Variants in QNG1 observed in about 807,000 individuals in gnomAD.
The protein encoded by QNG1 is queuosine 5'-phosphate N-glycosylase/hydrolase.
chr9:83,941,603 A>C, the QNG1 span, among the ~76,000 whole-genome samples: 3 of 152,180 alleles, frequency 2.0e-5, no homozygotes, highest in Non-Finnish European at 4.4e-5. Flanking sequence ...AACAAAAAAG[A>C]AAGCAAGCAA....
chr9:83,939,069 G>GTTGTTT, the QNG1 span: 1 of 178,300 alleles, frequency 5.6e-6, no homozygotes, highest in Non-Finnish European at 1.2e-5. Context: ...TGTTGTTGTT[G>GTTGTTT]TTGTTGTTGT....
At chr9:83,952,794 GAA>G in the QNG1 span, among the ~76,000 whole-genome samples, 1 of 83,582 alleles carries the variant, frequency 1.2e-5, no homozygotes, top group Non-Finnish European at 2.5e-5. Context: ...GACTCCGTCT[GAA>G]AAAAAAAAAA....
At chr9:83,952,007 T>G in the QNG1 span, among the ~76,000 whole-genome samples, 6 of 152,312 alleles carry the variant, frequency 3.9e-5, no homozygotes, top group South Asian at 4.1e-4. Flanking sequence ...TTTATTTTTT[T>G]GGGGACAAGG....
chr9:83,955,796 C>T, the QNG1 span, among the ~76,000 whole-genome samples: 1 of 152,160 alleles, frequency 6.6e-6, no homozygotes, highest in African/African-American at 2.4e-5. Context: ...AACTCATTTT[C>T]TACTTGTTCA....
At chr9:83,948,154 G>A in the QNG1 span, among the ~76,000 whole-genome samples, 1 of 151,122 alleles carries the variant, frequency 6.6e-6, no homozygotes, top group African/African-American at 2.4e-5. Flanking sequence ...GAGCGCCTCT[G>A]TCCGGCCGCG....
chr9:83,938,780 GT>G, the QNG1 span: 3 of 150,750 alleles, frequency 2.0e-5, no homozygotes, highest in African/African-American at 4.9e-5. Context: ...GTCTCCATCT[GT>G]TGCCCAGGAT....
chr9:83,946,466 A>T, the QNG1 span, among the ~76,000 whole-genome samples: 1 of 152,240 alleles, frequency 6.6e-6, no homozygotes, highest in African/African-American at 2.4e-5. Context: ...CTAGAAAATG[A>T]TCATATTTAC....
chr9:83,954,454 C>T, the QNG1 span, among the ~76,000 whole-genome samples: 2 of 152,064 alleles, frequency 1.3e-5, no homozygotes, highest in Non-Finnish European at 1.5e-5. Context: ...TGGTGGCATG[C>T]GCCTGTAGTC....
chr9:83,955,738 G>T, the QNG1 span: 1 of 1,172,536 alleles, frequency 8.5e-7, no homozygotes, highest in Non-Finnish European at 1.2e-6. Context: ...AACCAAATGA[G>T]TGGTATAGGA....
At chr9:83,945,253 T>A in the QNG1 span, among the ~76,000 whole-genome samples, 1 of 151,148 alleles carries the variant, frequency 6.6e-6, no homozygotes, top group African/African-American at 2.4e-5. Flanking sequence ...AAAAAAAAAA[T>A]TAGCTGGGCG....
chr9:83,949,711 G>A, the QNG1 span, among the ~76,000 whole-genome samples: 1 of 150,996 alleles, frequency 6.6e-6, no homozygotes, highest in African/African-American at 2.4e-5. Context: ...TTATAAAAAT[G>A]TCTATTAAAC....
the QNG1 span, chr9:83,956,835 A>G: frequency 8.1e-6 from 2 of 247,692 alleles, no homozygotes; most frequent in Admixed American, 5.0e-5. Flanking sequence ...TCCGGCGTTC[A>G]CCGGCCGTGA....
chr9:83,948,075 T>G, the QNG1 span, among the ~76,000 whole-genome samples: 1 of 150,662 alleles, frequency 6.6e-6, no homozygotes, highest in African/African-American at 2.5e-5. Flanking sequence ...GAGGAGCGTC[T>G]CTGCCCGGCT....
At chr9:83,948,402 G>A in the QNG1 span, among the ~76,000 whole-genome samples, 2,394 of 150,246 alleles carry the variant, frequency 0.016, 79 homozygotes, top group African/African-American at 0.056. Flanking sequence ...CCCCAGCCCG[G>A]CAGCCGCCCC....
chr9:83,944,788 G>T, the QNG1 span: 2 of 1,602,660 alleles, frequency 1.2e-6, no homozygotes, highest in South Asian at 2.3e-5. Context: ...ACTTAAAGTT[G>T]CAAACCTTTG....
chr9:83,955,636 T>A, the QNG1 span: 1 of 1,610,272 alleles, frequency 6.2e-7, no homozygotes, highest in South Asian at 1.1e-5. Context: ...TAGTTATTGG[T>A]ATCCCTTTAG....
the QNG1 span, among the ~76,000 whole-genome samples, chr9:83,947,662 C>T: frequency 4.6e-5 from 7 of 152,178 alleles, no homozygotes; most frequent in Admixed American, 1.3e-4. Flanking sequence ...TGCAGGCGCT[C>T]GCCGCCACGC....
chr9:83,956,537 GC>G, the QNG1 span: 4 of 1,501,960 alleles, frequency 2.7e-6, no homozygotes, highest in African/African-American at 4.2e-5. Context: ...AACTCTTCCC[GC>G]CCTAGGCGGG....
At chr9:83,949,023 T>C in the QNG1 span, among the ~76,000 whole-genome samples, 14 of 125,110 alleles carry the variant, frequency 1.1e-4, no homozygotes, top group East Asian at 2.2e-4. Flanking sequence ...CTGCTGACCT[T>C]CCCTCCACTA....
Sources: gnomAD v4.1 joint callset for allele counts (sites outside exome capture counted in the v4.1 genomes callset) on GRCh38, gnomAD v4.1.1 for gene constraint, MANE v1.5 for transcripts, NCBI Gene and HGNC (gene_info 2026-07-23, HGNC 2026-07-21) for gene names.